TMEM156: variants seen among roughly 807,000 people sequenced by gnomAD.
TMEM156 encodes transmembrane protein 156.
Under a neutral mutation model 30.5 loss-of-function variants are expected in TMEM156, and 28 were observed. The ratio of observed to expected loss-of-function variants is 0.92; its 90% CI spans 0.68 to 1.26. TMEM156 has a LOEUF of 1.26. Among genes scored for constraint, TMEM156 ranks in the 50% most tolerant of loss-of-function variants. The pLI is 0.00. For missense variants in TMEM156, 351 were observed against 340.6 expected (o/e 1.03, Z -0.24); for synonymous variants, 137 against 119.9 (o/e 1.14, Z -0.93).
intron 2 of TMEM156, 61 bp downstream of exon 2, chr4:38,998,579 T>C: frequency 3.5e-6 from 5 of 1,446,260 alleles, no homozygotes; most frequent in Non-Finnish European, 4.6e-6. Context: ...AATACGTTTT[T>C]AACAGAATAA....
intron 1 of TMEM156, among the ~76,000 whole-genome samples, chr4:39,002,018 A>C (rs201188739): frequency 0.37 from 39,377 of 106,556 alleles, 8,149 homozygotes; most frequent in East Asian, 0.53. Flanking sequence ...GCAACAAAAG[A>C]CAAAATTGAC....
At position 38,992,729 on chromosome 4, in the gene TMEM156, A is replaced by AT. The variant is rs1175297958; in HGVS notation, c.619+1008dup. 5.2e-4 allele frequency among the ~76,000 whole-genome samples: 26 copies of AT among 49,762 alleles called. 2 individuals are homozygous for AT. Among genetic ancestry groups the AT allele is most frequent in the African/African-American group, 1.4e-3 (22 of 15,418 alleles). 32.6% of individuals were successfully genotyped at this position (49,762 alleles called of 152,430 possible). A position where few individuals can be genotyped will look rare whatever the true frequency, so the allele number is the denominator to read the frequency against. The stretch of plus-strand genomic sequence containing the variant: ...TATATATATTATATATATATAATAT[A>AT]TATATAATATATAATATATTATATA... On this transcript the variant is annotated intron_variant, in intron 3 of 6. Transcript: ENST00000381938.
intron 1 of TMEM156, among the ~76,000 whole-genome samples, chr4:39,017,008 A>T (rs1011126181): frequency 1.3e-5 from 2 of 151,988 alleles, no homozygotes; most frequent in African/African-American, 4.8e-5. Flanking sequence ...AAACCATCAG[A>T]TCTCATGATA....
At chr4:38,980,384 G>A (rs972425716) in intron 5 of TMEM156, among the ~76,000 whole-genome samples, 2 of 152,096 alleles carry the variant, frequency 1.3e-5, no homozygotes, top group African/African-American at 4.8e-5. Context: ...TATTTGAAAG[G>A]CTTTTGTAAG....
At chr4:39,005,654 T>G (rs1713679617) in intron 1 of TMEM156, among the ~76,000 whole-genome samples, 1 of 152,232 alleles carries the variant, frequency 6.6e-6, no homozygotes, top group Non-Finnish European at 1.5e-5. Context: ...TACACTGGTG[T>G]GTACATTTGT....
chr4:39,025,169 C>CA (rs1715118820), intron 1 of TMEM156, among the ~76,000 whole-genome samples: 1 of 151,562 alleles, frequency 6.6e-6, no homozygotes, highest in Non-Finnish European at 1.5e-5. Flanking sequence ...GATAACATGG[C>CA]AAAACCCTGT....
chr4:39,012,113 G>A lies in TMEM156; in HGVS notation c.89-13204C>T, dbSNP rs145809840. Reference sequence around the variant, plus strand: ...GGGATCATTAGAAGCCCAAACCTCAGCATCACATAATATATCCATGTAACA... The same window carrying A: ...GGGATCATTAGAAGCCCAAACCTCAACATCACATAATATATCCATGTAACA... On this transcript the variant is annotated intron_variant, in intron 1 of 6. Transcript: ENST00000381938. 3.0e-3 allele frequency among the ~76,000 whole-genome samples: 454 copies of A among 152,160 alleles called. 3 individuals are homozygous for A. The highest frequency in any genetic ancestry group is 0.01 in the African/African-American group (422 of 41,520).
chr4:38,994,043 T>C (rs1321244571), intron 2 of TMEM156, 45 bp from the exon 3 acceptor site: 24 of 1,537,012 alleles, frequency 1.6e-5, no homozygotes, highest in Non-Finnish European at 2.1e-5. Context: ...TATTAATACA[T>C]AGCAAGAAAA....
chr4:38,992,411 A>G (rs934929548), intron 3 of TMEM156, among the ~76,000 whole-genome samples: 7 of 151,978 alleles, frequency 4.6e-5, no homozygotes, highest in African/African-American at 1.7e-4. Flanking sequence ...GCTTAGTAGA[A>G]AGGAATAATT....
At position 38,986,327 on chromosome 4, in the gene TMEM156, A is replaced by T. The variant is rs771911910; in HGVS notation, c.823+9T>A. ...GAGTGCTGTTTTGTTTACATGCCAC[A>T]GAACTTACCTGAAAGAACCTGCACA... On this transcript the variant is annotated intron_variant, in intron 5 of 6. Coordinates refer to ENST00000381938, the MANE Select transcript of TMEM156 (RefSeq NM_024943.3). The T allele has an allele frequency of 1.9e-6, 3 of 1,609,552 alleles. No individual in the cohort carries two copies. Among genetic ancestry groups the T allele is most frequent in the Non-Finnish European group, 2.6e-6 (3 of 1,175,790 alleles).
chr4:38,981,751 G>A (rs1211307064), intron 5 of TMEM156, among the ~76,000 whole-genome samples: 1 of 152,152 alleles, frequency 6.6e-6, no homozygotes, highest in Non-Finnish European at 1.5e-5. Flanking sequence ...CAGAACATAC[G>A]GAAGGTGCTT....
chr4:39,021,578 T>A (rs1167100839), intron 1 of TMEM156, among the ~76,000 whole-genome samples: 2 of 152,218 alleles, frequency 1.3e-5, no homozygotes, highest in Non-Finnish European at 2.9e-5. Flanking sequence ...TTTGCAACTA[T>A]TTTCTCTCAT....
chr4:38,990,304 T>C (rs1225092112), intron 3 of TMEM156, among the ~76,000 whole-genome samples: 15 of 152,098 alleles, frequency 9.9e-5, no homozygotes, highest in Non-Finnish European at 2.9e-5. Context: ...GGTGGCTAAG[T>C]AGAAAAAGGG....
chr4:39,007,023 T>C (rs1330861014), intron 1 of TMEM156, among the ~76,000 whole-genome samples: 1 of 152,170 alleles, frequency 6.6e-6, no homozygotes, highest in African/African-American at 2.4e-5. Context: ...TTTTTCTTTA[T>C]GTATAACCAA....
At chr4:38,976,720 T>G (rs868651762) in intron 5 of TMEM156, among the ~76,000 whole-genome samples, 1 of 152,214 alleles carries the variant, frequency 6.6e-6, no homozygotes, top group Non-Finnish European at 1.5e-5. Context: ...TTATTTAAAA[T>G]GCATGTTGCA....
intron 1 of TMEM156, among the ~76,000 whole-genome samples, chr4:39,017,381 G>T (rs375273102): frequency 6.6e-6 from 1 of 151,480 alleles, no homozygotes; most frequent in Non-Finnish European, 1.5e-5. Context: ...GGGTTTCATC[G>T]TGTTGGCCAG....
At chr4:38,979,704 A>C (rs1475887225) in intron 5 of TMEM156, among the ~76,000 whole-genome samples, 1 of 152,230 alleles carries the variant, frequency 6.6e-6, no homozygotes, top group African/African-American at 2.4e-5. Flanking sequence ...ATGTCTAAAC[A>C]GTTATCCATG....
intron 5 of TMEM156, among the ~76,000 whole-genome samples, chr4:38,975,463 A>G (rs1347127052): frequency 6.7e-6 from 1 of 148,818 alleles, no homozygotes; most frequent in Non-Finnish European, 1.5e-5. Context: ...GCTCACCGCA[A>G]CCTCCACCTC....
chr4:38,968,748 C>G (rs1185245581), intron 6 of TMEM156, among the ~76,000 whole-genome samples: 2 of 152,210 alleles, frequency 1.3e-5, no homozygotes, highest in African/African-American at 4.8e-5. Flanking sequence ...ACCTGCCTCT[C>G]TTTAACCTTG....
Sources: gnomAD v4.1 joint callset for allele counts (sites outside exome capture counted in the v4.1 genomes callset) on GRCh38, gnomAD v4.1.1 for gene constraint, MANE v1.5 for transcripts, NCBI Gene and HGNC (gene_info 2026-07-23, HGNC 2026-07-21) for gene names.